The following KIF18B variants were observed in gnomAD, a reference collection of about 807,000 sequenced individuals.
KIF18B encodes kinesin family member 18B.
KIF18B carries 49 observed loss-of-function variants against 80.9 expected under a neutral mutation model. The ratio of observed to expected loss-of-function variants is 0.61; its 90% CI spans 0.48 to 0.77. The LOEUF (loss-of-function observed/expected upper bound fraction) is 0.77, where lower values mean the gene tolerates loss of function less well. KIF18B is among the 30% of genes least tolerant of loss of function. The pLI, the probability that KIF18B is intolerant of heterozygous loss-of-function variation, is 0.00. For missense variants in KIF18B, 994 were observed against 1,127.7 expected, an observed-to-expected ratio of 0.88 and a Z score of 1.70; for synonymous variants, 439 against 463.9, an observed-to-expected ratio of 0.95 and a Z score of 0.69.
At chr17:44,945,394 C>T (rs1475519396) in intron 1 of KIF18B, among the ~76,000 whole-genome samples, 1 of 152,134 alleles carries the variant, frequency 6.6e-6, no homozygotes, top group Non-Finnish European at 1.5e-5. Flanking sequence ...ATGTTCTCTG[C>T]TGTTCTGTCT....
intron 1 of KIF18B, 27 bp from the exon 2 acceptor site, chr17:44,936,385 A>G (rs1297740385): frequency 6.4e-7 from 1 of 1,559,738 alleles, no homozygotes; most frequent in Admixed American, 1.9e-5. Flanking sequence ...GGAGCTGAGG[A>G]CCAATCCCAC....
At position 44,946,229 on chromosome 17, in the gene KIF18B, A is replaced by G. The variant is rs186595214; in HGVS notation, c.-15+1399T>C. Among the ~76,000 whole-genome samples the G allele has an allele frequency of 4.9e-4, 75 of 152,312 alleles. 2 individuals are homozygous for G. In the East Asian group the frequency reaches 0.013, roughly 25 times the overall value. On this transcript the variant is annotated intron_variant, in intron 1 of 15. Coordinates refer to ENST00000593135, the MANE Select transcript of KIF18B (RefSeq NM_001265577.2). ...TACATGGATACTTTTTTTAACTTCT[A>G]TTTTATTTTTTTGCAACAGTATACA...
intron 1 of KIF18B, among the ~76,000 whole-genome samples, chr17:44,945,339 G>A (rs1230828330): frequency 6.6e-6 from 1 of 152,182 alleles, no homozygotes; most frequent in African/African-American, 2.4e-5. Context: ...GGGATTACAG[G>A]CGTGAGCCAC....
At position 44,928,138 on chromosome 17, in the gene KIF18B, C is replaced by T. The variant is rs1427197381; in HGVS notation, c.2164G>A (p.Ala722Thr). The T allele has an allele frequency of 1.9e-6, 3 of 1,606,190 alleles. No individual in the cohort carries two copies. Among genetic ancestry groups the T allele is most frequent in the Non-Finnish European group, 2.6e-6 (3 of 1,176,238 alleles). The change falls in exon 13 of 16, where the codon GCC becomes ACC. Residue 722 changes from alanine (A) to threonine (T), a missense_variant. Coordinates refer to ENST00000593135, the MANE Select transcript of KIF18B (RefSeq NM_001265577.2). Reference protein sequence around the residue: ...PLALPTRDLNATFDLSEEPPS... With the variant: ...PLALPTRDLNTTFDLSEEPPS... ...GGCTCCTCAGAGAGATCAAAGGTGG[C>T]ATTGAGGTCTCGAGTGGGCAGAGCC...
In KIF18B at chr17:44,934,366, C is replaced by T; in HGVS notation, c.752G>A (p.Ser251Asn). The T allele has an allele frequency of 6.2e-7, 1 of 1,607,248 alleles. No homozygotes were observed. The highest frequency in any genetic ancestry group is 8.5e-7 in the Non-Finnish European group (1 of 1,176,682). ...LTQAVQVAKM[S>N]LIDLAGSERA... ...CTCTGAGCCAGCCAGGTCAATCAGG[C>T]TCATCTTGGCCACCTGGACAGCCTG... is the stretch of plus-strand genomic sequence containing the variant. Residue 251 changes from serine to asparagine, a missense_variant, in exon 6 of 16, where the codon AGC becomes AAC. Coordinates refer to ENST00000593135, the MANE Select transcript of KIF18B (RefSeq NM_001265577.2). This position sits in a 1 kb window ranked among gnomAD's most constrained non-coding sequence, Gnocchi z 5.4.
In KIF18B at chr17:44,934,137, A is replaced by G. The variant is rs2052223382; in HGVS notation, c.886-38T>C. On this transcript the variant is annotated intron_variant, in intron 6 of 15. Transcript: ENST00000593135. The surrounding 1 kb of genome is among the most constrained non-coding windows in gnomAD (Gnocchi z 5.4). ...AAGCAGGTGTGGGGTGAGGCGACTG[A>G]TGGCACTGACCCAGGATGGGGCCCT... is the stretch of plus-strand genomic sequence containing the variant. The G allele has an allele frequency of 1.9e-6, 3 of 1,606,876 alleles. No homozygotes were observed. The highest frequency in any genetic ancestry group is 1.3e-5 in the African/African-American group (1 of 74,828).
At chr17:44,939,336 A>T (rs1003129054) in intron 1 of KIF18B, among the ~76,000 whole-genome samples, 94 of 126,314 alleles carry the variant, frequency 7.4e-4, no homozygotes, top group Admixed American at 3.5e-3. Flanking sequence ...GCACCATTGT[A>T]CTCCAGCCTG....
rs1385032617 is a variant in KIF18B, at chr17:44,932,176, C to G, written c.1269G>C (p.Gly423=). The G allele has an allele frequency of 1.2e-6, 2 of 1,612,716 alleles. No homozygotes were observed. Among genetic ancestry groups the G allele is most frequent in the Middle Eastern group, 1.7e-4 (1 of 6,054 alleles). The change falls in exon 10 of 16, where the codon GGG becomes GGC. Residue 423 remains glycine (G), a synonymous_variant. Transcript: ENST00000593135. The stretch of plus-strand genomic sequence containing the variant: ...GACTCTCCTCTTGAAGGGCTCTAGG[C>G]CCTGCAGGGAGCTCTGGGGTGCAGG... ...HQPCTPELPA[G]PRALQEESLG...
In KIF18B at chr17:44,928,494, G is replaced by GGGCC. The variant is rs1567787518; in HGVS notation, c.1804_1807dup (p.Pro603ArgfsTer64). On this transcript the variant is annotated frameshift_variant, in exon 13 of 16. Transcript: ENST00000593135. LOFTEE classifies it high-confidence loss of function. ...AGGCGGGATTCCCAGGGTGTGCAGG[G>GGGCC]GGCCACTCAGTCGCCTCGCCATAGT... 2 of 1,506,780 alleles carry GGGCC rather than the reference G, an allele frequency of 1.3e-6. No homozygotes were observed. The highest frequency in any genetic ancestry group is 1.3e-5 in the South Asian group (1 of 79,426). The allele number at this position is 1,506,780 out of a possible 1,614,324, so 93.3% of individuals were successfully genotyped here.
rs1270126741 is a variant in KIF18B, at chr17:44,934,812, C to T, written c.576+19G>A. On this transcript the variant is annotated intron_variant, in intron 4 of 15. Coordinates refer to ENST00000593135, the MANE Select transcript of KIF18B (RefSeq NM_001265577.2). This position sits in a 1 kb window ranked among gnomAD's most constrained non-coding sequence, Gnocchi z 5.4. ...AGGACCCATGGGGCCGATCATCCTA[C>T]CCGAGCCCAATCCCACACCTGGTGG... is the stretch of plus-strand genomic sequence containing the variant. 2.0e-6 allele frequency: 3 copies of T among 1,518,600 alleles called. No homozygotes were observed. Among genetic ancestry groups the T allele is most frequent in the Non-Finnish European group, 2.7e-6 (3 of 1,119,304 alleles). 94.1% of individuals were successfully genotyped at this position (1,518,600 alleles called of 1,614,324 possible).
In KIF18B at chr17:44,931,748, G is replaced by C. The variant is rs771045153; in HGVS notation, c.1390-19C>G. 1.2e-6 allele frequency: 2 copies of C among 1,613,470 alleles called. No individual in the cohort carries two copies. Among genetic ancestry groups the C allele is most frequent in the African/African-American group, 1.3e-5 (1 of 75,038 alleles). ...TTGGAACCTAAAGAGGAAGGAAAAG[G>C]CACAGGTAGAGGGGCCAGGATGGCC... On this transcript the variant is annotated intron_variant, in intron 10 of 15. Coordinates refer to ENST00000593135, the MANE Select transcript of KIF18B (RefSeq NM_001265577.2).
intron 11 of KIF18B, among the ~76,000 whole-genome samples, chr17:44,930,337 A>G (rs1431994645): frequency 6.6e-6 from 1 of 152,236 alleles, no homozygotes; most frequent in Non-Finnish European, 1.5e-5. Flanking sequence ...TTTTCAAATT[A>G]GGTTTCAAAA....
chr17:44,945,340 C>T (rs939152077), intron 1 of KIF18B, among the ~76,000 whole-genome samples: 6 of 152,312 alleles, frequency 3.9e-5, no homozygotes, highest in African/African-American at 1.2e-4. Flanking sequence ...GGATTACAGG[C>T]GTGAGCCACC....
chr17:44,928,622 C>T, intron 12 of KIF18B, 44 bp from the exon 13 acceptor site: 1 of 1,439,924 alleles, frequency 6.9e-7, no homozygotes, highest in South Asian at 1.5e-5. Flanking sequence ...GGGAGCCAGA[C>T]ACTGGAGACA....
At chr17:44,944,304 G>T (rs376173025) in intron 1 of KIF18B, among the ~76,000 whole-genome samples, 1 of 151,756 alleles carries the variant, frequency 6.6e-6, no homozygotes, top group Non-Finnish European at 1.5e-5. Context: ...GTGCAATGGC[G>T]TGGTCTCAGC....
rs2145672863 is a variant in KIF18B at position 44,928,409 on chromosome 17, TCTC to T, written c.1890_1892del (p.Arg631del). 1 of 1,551,176 alleles carries T rather than the reference TCTC, an allele frequency of 6.4e-7. No individual in the cohort carries two copies. The highest frequency in any genetic ancestry group is 1.2e-5 in the South Asian group (1 of 84,804). On this transcript the variant is annotated inframe_deletion, in exon 13 of 16. Transcript: ENST00000593135. ...GACTGTCTGCCTCCAAGGCGCTTGG[TCTC>T]CTCCTCTTCTTCTCCATGGGCCATC...
chr17:44,934,456 G>C lies in KIF18B; in HGVS notation c.688-26C>G. On this transcript the variant is annotated intron_variant, in intron 5 of 15. Coordinates refer to ENST00000593135, the MANE Select transcript of KIF18B (RefSeq NM_001265577.2). This position sits in a 1 kb window ranked among gnomAD's most constrained non-coding sequence, Gnocchi z 5.4. ...CTGAAGGCAGATGGCAGGGGTGAGG[G>C]GGAGATGGGCATCAGGGGCACTGGT... 6.2e-7 allele frequency: 1 copy of C among 1,604,052 alleles called. No homozygotes were observed. Among genetic ancestry groups the C allele is most frequent in the Non-Finnish European group, 8.5e-7 (1 of 1,174,006 alleles).
chr17:44,944,357 C>T (rs1042849897), intron 1 of KIF18B, among the ~76,000 whole-genome samples: 8 of 152,046 alleles, frequency 5.3e-5, no homozygotes, highest in African/African-American at 1.7e-4. Context: ...ATTCTCCTGC[C>T]TCAGTCTCCT....
At position 44,931,934 on chromosome 17, in the gene KIF18B, G is replaced by A. The variant is rs534005775; in HGVS notation, c.1389+122C>T. On this transcript the variant is annotated intron_variant, in intron 10 of 15. Coordinates refer to ENST00000593135, the MANE Select transcript of KIF18B (RefSeq NM_001265577.2). ...ATCTGAAATCCTCCTAATGACTAAG[G>A]TGCAAGACATCCACATAGAGACGGG... is the stretch of plus-strand genomic sequence containing the variant. 2.0e-5 allele frequency: 25 copies of A among 1,225,374 alleles called. No homozygotes were observed. In the South Asian group the frequency reaches 3.2e-4, roughly 16 times the overall value. 75.9% of individuals were successfully genotyped at this position (1,225,374 alleles called of 1,614,324 possible). A position where few individuals can be genotyped will look rare whatever the true frequency, so the allele number is the denominator to read the frequency against.
Sources: gnomAD v4.1 joint callset for allele counts (sites outside exome capture counted in the v4.1 genomes callset) on GRCh38, gnomAD v4.1.1 for gene constraint, Gnocchi (gnomAD v3.1) non-coding constraint, MANE v1.5 for transcripts, NCBI Gene and HGNC (gene_info 2026-07-23, HGNC 2026-07-21) for gene names.